DNAH11: variants seen among roughly 807,000 people sequenced by gnomAD.
DNAH11 encodes the protein dynein axonemal heavy chain 11.
A neutral mutation model predicts 526.0 loss-of-function variants in DNAH11; 442 were observed. The ratio of observed to expected loss-of-function variants is 0.84; its 90% confidence interval spans 0.78 to 0.91. The LOEUF is 0.91. Ranked by LOEUF, DNAH11 falls within the 40% of genes least tolerant of loss-of-function variation. The probability of loss-of-function intolerance (pLI) is 0.00; values close to 1 mark genes in which losing one functional copy is unlikely to be tolerated. For synonymous variants in DNAH11, 2,461 were observed against 1,935.9 expected (o/e 1.27, Z -7.12); for missense variants, 6,989 against 5,448.7 (o/e 1.28, Z -8.90).
At chr7:21,841,807 C>G (rs967672556) in intron 65 of DNAH11, among the ~76,000 whole-genome samples, 3 of 152,146 alleles carry the variant, frequency 2.0e-5, no homozygotes, top group African/African-American at 7.2e-5. Flanking sequence ...TACAAATGCA[C>G]GACACTGAAC....
At position 21,725,889 on chromosome 7, in the gene DNAH11, A is replaced by C. The variant is rs1236826410; in HGVS notation, c.7345A>C (p.Ile2449Leu). Reference sequence around the variant, plus strand: ...AGTGAAATTTCCGTCGCAGGGAACAATCTTTGATTATTATGTGGACCACAA... The same window carrying C: ...AGTGAAATTTCCGTCGCAGGGAACACTCTTTGATTATTATGTGGACCACAA... The part of the protein sequence containing the change: ...KAVKFPSQGT[I>L]FDYYVDHKTK... The change falls in exon 45 of 82, where the codon ATC becomes CTC. Residue 2449 changes from isoleucine (I) to leucine (L), a missense_variant. By Grantham distance (5) the Ile-to-Leu change is conservative. Transcript: ENST00000409508. The C allele has an allele frequency of 1.2e-6, 2 of 1,604,162 alleles. No individual in the cohort carries two copies. Among genetic ancestry groups the C allele is most frequent in the East Asian group, 4.5e-5 (2 of 44,724 alleles).
intron 60 of DNAH11, among the ~76,000 whole-genome samples, chr7:21,788,572 C>T (rs750783429): frequency 2.1e-4 from 32 of 152,104 alleles, no homozygotes; most frequent in Admixed American, 1.3e-3. Flanking sequence ...TCCTTCCTCT[C>T]TCCCCACCAG....
chr7:21,717,876 G>T lies in DNAH11; in HGVS notation c.7085G>T (p.Arg2362Ile), dbSNP rs761114761. 3.7e-6 allele frequency: 6 copies of T among 1,613,786 alleles called. No individual in the cohort carries two copies. Among genetic ancestry groups the T allele is most frequent in the Middle Eastern group, 1.6e-4 (1 of 6,062 alleles). The change falls in exon 43 of 82, where the codon AGA becomes ATA. Residue 2362 changes from arginine (R) to isoleucine (I), a missense_variant. By Grantham distance (97) the Arg-to-Ile change is moderately conservative. Coordinates refer to ENST00000409508, the MANE Select transcript of DNAH11 (RefSeq NM_001277115.2). ...GTCCCTGCATGCTTGGATAAACTGA[G>T]AACAAGCTTTAAAACCATCACTTCA... ...KYVPACLDKL[R>I]TSFKTITSIP...
chr7:21,799,977 A>T (rs77879238), intron 61 of DNAH11, among the ~76,000 whole-genome samples: 3,221 of 152,270 alleles, frequency 0.021, 115 homozygotes, highest in African/African-American at 0.073. Flanking sequence ...GCATTTGACA[A>T]CTTAGTCAAG....
chr7:21,637,847 C>G, intron 27 of DNAH11, 145 bp downstream of exon 27: 1 of 489,924 alleles, frequency 2.0e-6, no homozygotes, highest in East Asian at 3.2e-5. Flanking sequence ...ATCTAGTTGT[C>G]TCGTACATAT....
rs11381392 is a variant in DNAH11 at position 21,889,010 on chromosome 7, C to CAA, written c.12508-3405_12508-3404dup. Among the ~76,000 whole-genome samples, 77 of 145,024 alleles carry CAA rather than the reference C, an allele frequency of 5.3e-4. 1 individual carries two copies. Among genetic ancestry groups the CAA allele is most frequent in the South Asian group, 6.6e-4 (3 of 4,578 alleles). ...GTTTATTACCCACGCCCCACCCACCCAAAAAAAAAAACCCTGCAGCCATTA... is the reference window on the plus strand; with the variant it reads ...GTTTATTACCCACGCCCCACCCACCCAAAAAAAAAAAAACCCTGCAGCCATTA... On this transcript the variant is annotated intron_variant, in intron 76 of 81. Coordinates refer to ENST00000409508, the MANE Select transcript of DNAH11 (RefSeq NM_001277115.2).
At chr7:21,666,255 C>A (rs1321967951) in intron 30 of DNAH11, among the ~76,000 whole-genome samples, 1 of 151,362 alleles carries the variant, frequency 6.6e-6, no homozygotes, top group Non-Finnish European at 1.5e-5. Flanking sequence ...TATATCGCTG[C>A]CTTGTCAGAG....
rs184444557 is a variant in DNAH11 at position 21,712,126 on chromosome 7, C to T, written c.6983+266C>T. ...TCTAGGTACCGCATATAAATGGAAT[C>T]ATACAGTGTTTGTCTTTTAGTGACA... On this transcript the variant is annotated intron_variant, in intron 42 of 81. Coordinates refer to ENST00000409508, the MANE Select transcript of DNAH11 (RefSeq NM_001277115.2). 5.9e-5 allele frequency among the ~76,000 whole-genome samples: 9 copies of T among 152,278 alleles called. No individual in the cohort carries two copies. The East Asian group carries it at 1.2e-3, about 20-fold the overall frequency.
At chr7:21,837,740 TAGG>T (rs1782047426) in intron 65 of DNAH11, among the ~76,000 whole-genome samples, 2 of 152,240 alleles carry the variant, frequency 1.3e-5, no homozygotes, top group South Asian at 4.2e-4. Flanking sequence ...GGTTTTTAGT[TAGG>T]AGGAATACGT....
intron 25 of DNAH11, among the ~76,000 whole-genome samples, chr7:21,621,925 C>A (rs949883488): frequency 3.3e-5 from 5 of 152,092 alleles, no homozygotes; most frequent in African/African-American, 1.2e-4. Context: ...GGGATGCCCT[C>A]TCTCACCACT....
chr7:21,602,014 T>C (rs1785109278), intron 18 of DNAH11, among the ~76,000 whole-genome samples: 1 of 152,086 alleles, frequency 6.6e-6, no homozygotes, highest in South Asian at 2.1e-4. Flanking sequence ...AGAAGTGCCC[T>C]AGTCTTGCAA....
chr7:21,638,044 A>C (rs1227434090), intron 27 of DNAH11, among the ~76,000 whole-genome samples: 1 of 152,180 alleles, frequency 6.6e-6, no homozygotes, highest in Non-Finnish European at 1.5e-5. Context: ...CACTCCGTTA[A>C]TGTAGTCCTT....
chr7:21,724,713 A>T lies in DNAH11; in HGVS notation c.7267-1098A>T, dbSNP rs186554596. Among the ~76,000 whole-genome samples the T allele has an allele frequency of 3.5e-4, 53 of 150,362 alleles. 1 individual carries two copies. The highest frequency in any genetic ancestry group is 1.2e-3 in the African/African-American group (51 of 41,040). ...CAGGTCATCTGTGGATATGGGAGTA[A>T]CTGGGCCAGGTCATCCTATGAATAT... On this transcript the variant is annotated intron_variant, in intron 44 of 81. Coordinates refer to ENST00000409508, the MANE Select transcript of DNAH11 (RefSeq NM_001277115.2).
intron 51 of DNAH11, among the ~76,000 whole-genome samples, chr7:21,746,516 C>G (rs926121482): frequency 1.4e-4 from 22 of 152,048 alleles, no homozygotes; most frequent in African/African-American, 5.3e-4. Context: ...GGAGGGAGGA[C>G]TGCTAGAGCC....
intron 65 of DNAH11, among the ~76,000 whole-genome samples, chr7:21,820,084 G>T (rs925397310): frequency 1.3e-5 from 2 of 152,164 alleles, no homozygotes; most frequent in African/African-American, 4.8e-5. Flanking sequence ...ATCATCAGCT[G>T]TTCCTCCTTC....
chr7:21,664,856 C>T (rs980781370), intron 30 of DNAH11, among the ~76,000 whole-genome samples: 4 of 152,096 alleles, frequency 2.6e-5, no homozygotes, highest in African/African-American at 9.7e-5. Context: ...TTATGTTCAA[C>T]ATCTCAGTCC....
chr7:21,635,141 AGTTTGTTTGTTTGTTT>A (rs56996600), intron 25 of DNAH11, among the ~76,000 whole-genome samples: 10 of 151,218 alleles, frequency 6.6e-5, no homozygotes, highest in African/African-American at 2.2e-4. Flanking sequence ...GGTGGGGGGC[AGTTTGTTTGTTTGTTT>A]GTTTGTTTGT....
At position 21,818,172 on chromosome 7, in the gene DNAH11, G is replaced by C. The variant is rs575300830; in HGVS notation, c.10569-45G>C. 1.9e-6 allele frequency: 3 copies of C among 1,581,344 alleles called. No individual in the cohort carries two copies. In the African/African-American group the frequency reaches 4.1e-5, roughly 22 times the overall value. ...TCATTTAAAAAATTTTGAACATTTT[G>C]TGCCAATTTACATTTTATTATCTCA... On this transcript the variant is annotated intron_variant, in intron 64 of 81. Transcript: ENST00000409508.
At position 21,884,301 on chromosome 7, in the gene DNAH11, A is replaced by G; in HGVS notation, c.12398A>G (p.Glu4133Gly). ...TGGTTTTCTCCACAGGTCCCATGGG[A>G]AGATCTCCGTTATCTCTTTGGTGAG... The part of the protein sequence containing the change: ...YLEANSKVPW[E>G]DLRYLFGEIM... The change falls in exon 76 of 82, where the codon GAA becomes GGA. Residue 4133 changes from glutamate to glycine, a missense_variant. Transcript: ENST00000409508. The G allele has an allele frequency of 4.4e-6, 7 of 1,606,578 alleles. No homozygotes were observed. Among genetic ancestry groups the G allele is most frequent in the Non-Finnish European group, 5.9e-6 (7 of 1,177,032 alleles).
Sources: allele counts gnomAD v4.1 joint callset (sites outside exome capture counted in the v4.1 genomes callset), GRCh38; gene constraint gnomAD v4.1.1; transcripts MANE v1.5; gene names NCBI Gene and HGNC (gene_info 2026-07-23, HGNC 2026-07-21).